The following USP6NL variants were observed in gnomAD, a reference collection of about 807,000 sequenced individuals.
USP6NL encodes USP6 N-terminal-like protein.
Under a neutral mutation model 61.9 loss-of-function variants are expected in USP6NL, and 26 were observed. The ratio of observed to expected loss-of-function variants is 0.42; its 90% CI spans 0.31 to 0.58. The LOEUF is 0.58. USP6NL is among the 20% of genes least tolerant of loss of function. The probability of loss-of-function intolerance (pLI) is 0.16; values close to 1 mark genes in which losing one functional copy is unlikely to be tolerated. For synonymous variants in USP6NL, 432 were observed against 390.1 expected (o/e 1.11, Z -1.27); for missense variants, 1,114 against 1,034.3 (o/e 1.08, Z -1.06).
chr10:11,559,958 A>G (rs1836860397), intron 2 of USP6NL, among the ~76,000 whole-genome samples: 1 of 152,244 alleles, frequency 6.6e-6, no homozygotes, highest in Non-Finnish European at 1.5e-5. Context: ...TGTGCATGAA[A>G]AAAAGACTGA....
intron 5 of USP6NL, among the ~76,000 whole-genome samples, chr10:11,514,913 T>G (rs967844638): frequency 2.0e-5 from 3 of 152,206 alleles, no homozygotes. Flanking sequence ...TTACCTCTAC[T>G]AGCTAAGAAA....
intron 2 of USP6NL, among the ~76,000 whole-genome samples, chr10:11,555,539 T>C (rs192738351): frequency 2.7e-5 from 4 of 146,152 alleles, no homozygotes; most frequent in Admixed American, 6.9e-5. Flanking sequence ...ATAGGAGACA[T>C]ATGAGACACA....
At chr10:11,542,041 A>G (rs1440186151) in intron 2 of USP6NL, among the ~76,000 whole-genome samples, 1 of 152,246 alleles carries the variant, frequency 6.6e-6, no homozygotes, top group African/African-American at 2.4e-5. Context: ...ATTCTGCCCT[A>G]TCTCTATGGA....
At chr10:11,501,592 C>G (rs1020611268) in intron 6 of USP6NL, among the ~76,000 whole-genome samples, 1 of 152,156 alleles carries the variant, frequency 6.6e-6, no homozygotes, top group Non-Finnish European at 1.5e-5. Context: ...ATCCCACACA[C>G]CTAAAAGATG....
At chr10:11,550,225 T>A (rs532765959) in intron 2 of USP6NL, among the ~76,000 whole-genome samples, 72 of 152,260 alleles carry the variant, frequency 4.7e-4, no homozygotes, top group African/African-American at 1.7e-3. Flanking sequence ...TTAGCCAAAT[T>A]TTTTTTAACC....
At chr10:11,560,264 CA>C (rs1836873711) in intron 2 of USP6NL, among the ~76,000 whole-genome samples, 1 of 151,984 alleles carries the variant, frequency 6.6e-6, no homozygotes, top group Admixed American at 6.6e-5. Flanking sequence ...GCCACCTAGG[CA>C]ATTATAAAAC....
intron 7 of USP6NL, 105 bp from the exon 8 acceptor site, chr10:11,493,333 T>C (rs746226458): frequency 9.0e-4 from 834 of 927,108 alleles, no homozygotes; most frequent in Non-Finnish European, 1.2e-3. Context: ...TTTAAAAAAA[T>C]CACTCAATGG....
chr10:11,605,997 CA>C (rs1838695250), intron 1 of USP6NL, among the ~76,000 whole-genome samples: 1 of 152,028 alleles, frequency 6.6e-6, no homozygotes, highest in Non-Finnish European at 1.5e-5. Flanking sequence ...CGAAAGACAT[CA>C]AGTCACGGTA....
intron 2 of USP6NL, among the ~76,000 whole-genome samples, chr10:11,536,843 T>C (rs1260331818): frequency 6.6e-6 from 1 of 152,238 alleles, no homozygotes; most frequent in Non-Finnish European, 1.5e-5. Flanking sequence ...CTCCCCCTAT[T>C]AGCATATAAT....
At chr10:11,570,329 T>C (rs1042802088) in intron 2 of USP6NL, among the ~76,000 whole-genome samples, 2 of 152,190 alleles carry the variant, frequency 1.3e-5, no homozygotes, top group African/African-American at 4.8e-5. Context: ...AAGTATTCAA[T>C]ATATGTTTAT....
At chr10:11,554,446 A>T (rs994872420) in intron 2 of USP6NL, among the ~76,000 whole-genome samples, 1 of 152,266 alleles carries the variant, frequency 6.6e-6, no homozygotes. Context: ...AACTTGTGGC[A>T]GTCCTGAGAA....
intron 1 of USP6NL, among the ~76,000 whole-genome samples, chr10:11,603,813 G>C (rs1361038786): frequency 6.6e-6 from 1 of 152,128 alleles, no homozygotes. Context: ...GACAGTCAAG[G>C]CTATATAAAG....
chr10:11,561,872 G>A lies in USP6NL; in HGVS notation c.5-34305C>T, dbSNP rs1383909367. 6.6e-6 allele frequency among the ~76,000 whole-genome samples: 1 copy of A among 152,086 alleles called. No homozygotes were observed. The highest frequency in any genetic ancestry group is 1.5e-5 in the Non-Finnish European group (1 of 68,022). On this transcript the variant is annotated intron_variant, in intron 2 of 14. Coordinates refer to ENST00000609104, the MANE Select transcript of USP6NL (RefSeq NM_014688.5). The surrounding 1 kb of genome is among the most constrained non-coding windows in gnomAD (Gnocchi z 4.1). Reference sequence around the variant, plus strand: ...ATACTGGTCCCATTTATTAATTTTAGCCAGTCTTGAAACAATATTTCATTA... The same window carrying A: ...ATACTGGTCCCATTTATTAATTTTAACCAGTCTTGAAACAATATTTCATTA...
rs1202824441 is a variant in USP6NL at position 11,537,495 on chromosome 10, T to G, written c.5-9928A>C. On this transcript the variant is annotated intron_variant, in intron 2 of 14. Transcript: ENST00000609104. The surrounding 1 kb of genome is among the most constrained non-coding windows in gnomAD (Gnocchi z 5.1). ...GCCTAAATGTTCTTCAATTTTAACT[T>G]TTCATTATCAGCACAAATATGATTT... 6.6e-6 allele frequency among the ~76,000 whole-genome samples: 1 copy of G among 152,234 alleles called. No individual in the cohort carries two copies. Among genetic ancestry groups the G allele is most frequent in the Non-Finnish European group, 1.5e-5 (1 of 68,042 alleles).
At chr10:11,584,903 A>C (rs1285748654) in intron 2 of USP6NL, among the ~76,000 whole-genome samples, 2 of 152,172 alleles carry the variant, frequency 1.3e-5, no homozygotes, top group African/African-American at 2.4e-5. Flanking sequence ...ATGCCACTGC[A>C]CTCCAGCCTA....
intron 2 of USP6NL, among the ~76,000 whole-genome samples, chr10:11,555,068 G>A (rs1419322857): frequency 6.8e-6 from 1 of 146,338 alleles, no homozygotes; most frequent in Non-Finnish European, 1.5e-5. Context: ...TGGGATTACA[G>A]GCATGAGCCA....
intron 5 of USP6NL, among the ~76,000 whole-genome samples, chr10:11,515,325 T>C (rs1834908309): frequency 1.3e-5 from 2 of 152,254 alleles, no homozygotes; most frequent in Non-Finnish European, 2.9e-5. Context: ...CCTTCTCTTG[T>C]AGAATAAGAA....
At chr10:11,477,020 T>C (rs1330068438) in intron 14 of USP6NL, among the ~76,000 whole-genome samples, 1 of 152,120 alleles carries the variant, frequency 6.6e-6, no homozygotes, top group Non-Finnish European at 1.5e-5. Context: ...TACAGGCACC[T>C]GCCACCACGC....
At chr10:11,543,255 T>C (rs1005447881) in intron 2 of USP6NL, among the ~76,000 whole-genome samples, 7 of 152,212 alleles carry the variant, frequency 4.6e-5, no homozygotes, top group Non-Finnish European at 1.0e-4. Context: ...AACATCTATA[T>C]AACTGGCCGG....
Sources: gnomAD v4.1 joint callset for allele counts (sites outside exome capture counted in the v4.1 genomes callset) on GRCh38, gnomAD v4.1.1 for gene constraint, Gnocchi (gnomAD v3.1) non-coding constraint, MANE v1.5 for transcripts, NCBI Gene and HGNC (gene_info 2026-07-23, HGNC 2026-07-21) for gene names.